MYH13: variants seen among roughly 807,000 people sequenced by gnomAD.
The protein encoded by MYH13 is myosin-13.
In MYH13, 177 loss-of-function variants were observed where a neutral mutation model predicts 232.1. That is an observed-to-expected ratio of 0.76 (90% CI 0.67 to 0.86). MYH13 has a LOEUF of 0.86. MYH13 is among the 40% of genes least tolerant of loss of function. The pLI, the probability that MYH13 is intolerant of heterozygous loss-of-function variation, is 0.00. For synonymous variants in MYH13, 884 were observed against 923.5 expected, an observed-to-expected ratio of 0.96 and a Z score of 0.78; for missense variants, 2,246 against 2,405.9, an observed-to-expected ratio of 0.93 and a Z score of 1.39.
rs147867697 is a variant in MYH13, at chr17:10,353,464, A to C, written c.1005+1216T>G. ...CAAGACCCCTTTTCGCAAGCTCTTG[A>C]AGCTTTTGTATGGGTGGAGCCAACA... is the stretch of plus-strand genomic sequence containing the variant. On this transcript the variant is annotated intron_variant, in intron 11 of 40. Transcript: ENST00000252172. 4.2e-3 allele frequency among the ~76,000 whole-genome samples: 647 copies of C among 152,300 alleles called. 11 individuals are homozygous for C. Among genetic ancestry groups the C allele is most frequent in the African/African-American group, 0.015 (627 of 41,566 alleles).
At chr17:10,361,235 A>G (rs2024075) in intron 5 of MYH13, among the ~76,000 whole-genome samples, 44,778 of 151,824 alleles carry the variant, frequency 0.29, 6,952 homozygotes, top group Non-Finnish European at 0.35. Flanking sequence ...AAGTTTGGAC[A>G]CCATTGCATT....
intron 27 of MYH13, chr17:10,317,976 T>G (rs1906777436): frequency 6.6e-6 from 1 of 152,272 alleles, no homozygotes; most frequent in Admixed American, 6.5e-5. Flanking sequence ...GCACAGTGGC[T>G]CATGCCTGTA....
At chr17:10,320,132 G>C in intron 26 of MYH13, 21 bp downstream of exon 26, 2 of 1,547,466 alleles carry the variant, frequency 1.3e-6, no homozygotes, top group South Asian at 2.4e-5. Flanking sequence ...GTCATGATTG[G>C]GAAGGTTTTG....
chr17:10,338,857 C>T (rs555628284), intron 18 of MYH13, among the ~76,000 whole-genome samples: 3 of 152,034 alleles, frequency 2.0e-5, no homozygotes, highest in East Asian at 3.9e-4. Context: ...CCCGCCACCA[C>T]GCCCAGCTAA....
chr17:10,333,322 G>C (rs1181664801), intron 18 of MYH13, 131 bp from the exon 19 acceptor site: 1 of 683,542 alleles, frequency 1.5e-6, no homozygotes, highest in Non-Finnish European at 2.6e-6. Context: ...GTCAGTGCCA[G>C]CTCCAAGGTA....
Position 10,362,434 on chromosome 17 carries a change from C to G in MYH13, c.274G>C (p.Ala92Pro). 6.2e-7 allele frequency: 1 copy of G among 1,614,126 alleles called. No homozygotes were observed. Among genetic ancestry groups the G allele is most frequent in the Non-Finnish European group, 8.5e-7 (1 of 1,180,018 alleles). Reference protein sequence around the residue: ...PPKFDKIEDMAMMTHLHEPAV... With the variant: ...PPKFDKIEDMPMMTHLHEPAV... ...GGTTCATGCAGGTGAGTCATCATGG[C>G]CATGTCCTCGATCTTGTCAAATTTG... The change falls in exon 4 of 41, where the codon GCC (alanine) becomes CCC (proline). Residue 92 changes from alanine (A) to proline (P), a missense_variant. By Grantham distance (27) the Ala-to-Pro change is conservative. Transcript: ENST00000252172.
At chr17:10,371,370 T>C (rs1804515333) in intron 1 of MYH13, 111 bp from the exon 2 acceptor site, 1 of 152,240 alleles carries the variant, frequency 6.6e-6, no homozygotes, top group African/African-American at 2.4e-5. Context: ...CTTAAATAGA[T>C]ACACAGTAGA....
In MYH13 at chr17:10,300,958, T is replaced by G. The variant is rs747620584; in HGVS notation, c.5810A>C (p.Glu1937Ala). Residue 1937 changes from glutamate to alanine, a missense_variant, in exon 41 of 41, where the codon GAA becomes GCA. Coordinates refer to ENST00000252172, the MANE Select transcript of MYH13 (RefSeq NM_003802.3). Reference protein sequence around the residue: ...KSRDVGSQKMEE With the variant: ...KSRDVGSQKMAE ...ACGAGCATCAGGTGAGCCTCATTCT[T>G]CCATCTTCTGTGGGAGAAAAAAATA... The G allele has an allele frequency of 9.3e-6, 15 of 1,612,904 alleles. No individual in the cohort carries two copies. The highest frequency in any genetic ancestry group is 1.3e-5 in the Non-Finnish European group (15 of 1,179,232).
chr17:10,306,614 C>G lies in MYH13; in HGVS notation c.5311G>C (p.Glu1771Gln). The G allele has an allele frequency of 1.2e-6, 2 of 1,614,108 alleles. No individual in the cohort carries two copies. Among genetic ancestry groups the G allele is most frequent in the Non-Finnish European group, 1.7e-6 (2 of 1,180,046 alleles). ...KAITDAAMMA[E>Q]ELKKEQDTSA... Reference sequence around the variant, plus strand: ...GTGTCCTGTTCCTTCTTTAGCTCCTCAGCCATCATGGCAGCCTGGTTAAGT... The same window carrying G: ...GTGTCCTGTTCCTTCTTTAGCTCCTGAGCCATCATGGCAGCCTGGTTAAGT... The change falls in exon 37 of 41, where the codon GAG becomes CAG. Residue 1771 changes from glutamate (E) to glutamine (Q), a missense_variant. By Grantham distance (29) the Glu-to-Gln change is conservative (BLOSUM62 2). Transcript: ENST00000252172. This position sits in a 1 kb window ranked among gnomAD's most constrained non-coding sequence, Gnocchi z 4.3.
At chr17:10,346,006 A>AC (rs1360774851) in intron 13 of MYH13, among the ~76,000 whole-genome samples, 4 of 142,312 alleles carry the variant, frequency 2.8e-5, no homozygotes, top group East Asian at 2.7e-4. Context: ...AAAAAAAAAA[A>AC]AAAAAAACAA....
chr17:10,316,147 A>G, intron 27 of MYH13, 122 bp from the exon 28 acceptor site: 1 of 1,301,792 alleles, frequency 7.7e-7, no homozygotes, highest in Non-Finnish European at 1.0e-6. Flanking sequence ...GTACAGAACA[A>G]AAAAAAGTTC....
chr17:10,301,772 T>G (rs769566376), intron 39 of MYH13, 69 bp from the exon 40 acceptor site: 95 of 1,569,556 alleles, frequency 6.1e-5, no homozygotes, highest in Non-Finnish European at 8.0e-5. Context: ...GCCCTGTCTC[T>G]GAAGGCCTCT....
rs543323698 is a variant in MYH13 at position 10,359,793 on chromosome 17, T to C, written c.645+167A>G. The stretch of plus-strand genomic sequence containing the variant: ...AATTGTTTGGCATGGAAAAACCCCA[T>C]ACATTTGATGGCAGACACGTTCTGT... On this transcript the variant is annotated intron_variant, in intron 7 of 40. Coordinates refer to ENST00000252172, the MANE Select transcript of MYH13 (RefSeq NM_003802.3). Among the ~76,000 whole-genome samples, 150 of 152,256 alleles carry C rather than the reference T, an allele frequency of 9.9e-4. 1 individual carries two copies. The highest frequency in any genetic ancestry group is 1.6e-3 in the Non-Finnish European group (112 of 68,020).
chr17:10,350,098 C>T (rs961133427), intron 12 of MYH13, among the ~76,000 whole-genome samples: 1 of 152,078 alleles, frequency 6.6e-6, no homozygotes, highest in African/African-American at 2.4e-5. Flanking sequence ...AACCGTTCAC[C>T]ATTCTTGGTT....
At chr17:10,320,900 G>T (rs1381279706) in intron 24 of MYH13, among the ~76,000 whole-genome samples, 1 of 152,196 alleles carries the variant, frequency 6.6e-6, no homozygotes. Flanking sequence ...TGCAACCATG[G>T]GAGGCAAGGA....
intron 27 of MYH13, among the ~76,000 whole-genome samples, chr17:10,317,334 G>C (rs1208853672): frequency 6.6e-6 from 1 of 152,208 alleles, no homozygotes; most frequent in Non-Finnish European, 1.5e-5. Flanking sequence ...GAAAGAAAGA[G>C]AAAAGGAGTC....
intron 2 of MYH13, among the ~76,000 whole-genome samples, chr17:10,370,126 C>T (rs2071867237): frequency 6.6e-6 from 1 of 152,238 alleles, no homozygotes; most frequent in African/African-American, 2.4e-5. Flanking sequence ...ATGTCACCCT[C>T]CACTGGAGTG....
At chr17:10,311,760 T>G (rs553357246) in intron 32 of MYH13, 151 bp downstream of exon 32, 1 of 905,314 alleles carries the variant, frequency 1.1e-6, no homozygotes, top group African/African-American at 1.7e-5. Context: ...GTCTGGGCCT[T>G]GGGGCAAACT....
At chr17:10,361,740 G>A (rs1020417545) in intron 5 of MYH13, among the ~76,000 whole-genome samples, 1 of 152,210 alleles carries the variant, frequency 6.6e-6, no homozygotes, top group Non-Finnish European at 1.5e-5. Context: ...AGGGGAGCCT[G>A]AGTTTGGGGA....
Sources: gnomAD v4.1 joint callset for allele counts (sites outside exome capture counted in the v4.1 genomes callset) on GRCh38, gnomAD v4.1.1 for gene constraint, Gnocchi (gnomAD v3.1) non-coding constraint, MANE v1.5 for transcripts, NCBI Gene and HGNC (gene_info 2026-07-23, HGNC 2026-07-21) for gene names.